The following ADAMTSL1 variants were observed in gnomAD, a reference collection of about 807,000 sequenced individuals.
The protein encoded by ADAMTSL1 is ADAMTS like 1.
A neutral mutation model predicts 201.8 loss-of-function variants in ADAMTSL1; 126 were observed. The observed-to-expected ratio is 0.62, with a 90% CI of 0.54 to 0.72. The LOEUF (loss-of-function observed/expected upper bound fraction) is 0.72, where lower values mean the gene tolerates loss of function less well. Among genes scored for constraint, ADAMTSL1 ranks in the 30% least tolerant of loss-of-function variants. The pLI, the probability that ADAMTSL1 is intolerant of heterozygous loss-of-function variation, is 0.00. For synonymous variants in ADAMTSL1, 1,121 were observed against 903.4 expected, an observed-to-expected ratio of 1.24 and a Z score of -4.32; for missense variants, 2,679 against 2,277.8, an observed-to-expected ratio of 1.18 and a Z score of -3.59.
chr9:17,952,856 A>G (rs1455316657), intron 1 of ADAMTSL1, among the ~76,000 whole-genome samples: 1 of 151,880 alleles, frequency 6.6e-6, no homozygotes, highest in African/African-American at 2.4e-5. Context: ...TATAATTTAA[A>G]TCTGTACGCT....
intron 1 of ADAMTSL1, among the ~76,000 whole-genome samples, chr9:18,078,960 T>A (rs1335379151): frequency 6.6e-6 from 1 of 152,168 alleles, no homozygotes; most frequent in East Asian, 1.9e-4. Context: ...GGCTCCCATA[T>A]CAGAGTAGTT....
At chr9:18,544,106 A>G (rs540573440) in intron 3 of ADAMTSL1, among the ~76,000 whole-genome samples, 32 of 152,290 alleles carry the variant, frequency 2.1e-4, no homozygotes, top group African/African-American at 5.3e-4. Context: ...TCGTAGCCTC[A>G]GTTTCCTCAA....
At chr9:18,829,703 T>A in intron 22 of ADAMTSL1, 140 bp from the exon 23 acceptor site, 1 of 1,193,904 alleles carries the variant, frequency 8.4e-7, no homozygotes, top group Non-Finnish European at 1.2e-6. Flanking sequence ...ATAGGAAAAA[T>A]AATGTTAAAA....
chr9:18,092,440 C>T (rs1824068646), intron 1 of ADAMTSL1, among the ~76,000 whole-genome samples: 1 of 152,202 alleles, frequency 6.6e-6, no homozygotes, highest in South Asian at 2.1e-4. Context: ...TGTACACACA[C>T]ATACATGTAT....
chr9:18,207,548 G>C (rs1387221157), intron 2 of ADAMTSL1, among the ~76,000 whole-genome samples: 2 of 152,124 alleles, frequency 1.3e-5, no homozygotes, highest in Non-Finnish European at 1.5e-5. Context: ...CTGAAGTCCT[G>C]CATAATTTTA....
In ADAMTSL1 at chr9:18,151,430, G is replaced by A. The variant is rs118105336; in HGVS notation, c.88-12432G>A. 3.3e-5 allele frequency among the ~76,000 whole-genome samples: 5 copies of A among 152,096 alleles called. No homozygotes were observed. The East Asian group carries it at 9.7e-4, about 30-fold the overall frequency. On this transcript the variant is annotated intron_variant, in intron 1 of 29. Transcript: ENST00000680146. ...CCTCTAAATTTTTTCTTCAGCTCCT[G>A]TGTGAATGCCTCTGGTGCCAAGGTT...
intron 23 of ADAMTSL1, among the ~76,000 whole-genome samples, chr9:18,882,655 C>T (rs16937167): frequency 0.032 from 4,896 of 152,040 alleles, 140 homozygotes; most frequent in South Asian, 0.13. Context: ...GCCTAGATGC[C>T]GCCAGGAGCT....
rs908976650 is a variant in ADAMTSL1 at position 18,909,541 on chromosome 9, T to G, written c.*993T>G. ...ACTGCTGCTGTGGGCCAGGGCCATT[T>G]TGAGCATGAATGGCCCAGGTTTTTT... On this transcript the variant is annotated 3_prime_UTR_variant, in exon 29 of 29. Coordinates refer to ENST00000380548, the MANE Select transcript of ADAMTSL1 (RefSeq NM_001040272.6). 2.0e-5 allele frequency: 3 copies of G among 152,270 alleles called. No individual in the cohort carries two copies. Among genetic ancestry groups the G allele is most frequent in the Admixed American group, 1.3e-4 (2 of 15,288 alleles). 9.4% of individuals were successfully genotyped at this position (152,270 alleles called of 1,614,324 possible).
At chr9:18,226,044 G>T (rs1830424460) in intron 2 of ADAMTSL1, among the ~76,000 whole-genome samples, 1 of 152,026 alleles carries the variant, frequency 6.6e-6, no homozygotes, top group African/African-American at 2.4e-5. Flanking sequence ...TAGTTCCTAG[G>T]TTAATATTAA....
chr9:18,872,018 A>G (rs918969732), intron 23 of ADAMTSL1, among the ~76,000 whole-genome samples: 2 of 152,136 alleles, frequency 1.3e-5, no homozygotes, highest in Non-Finnish European at 2.9e-5. Context: ...CCCAAGTTCC[A>G]ACCAAGTCAG....
At chr9:18,049,685 G>T (rs976899866) in intron 1 of ADAMTSL1, among the ~76,000 whole-genome samples, 109 of 151,148 alleles carry the variant, frequency 7.2e-4, no homozygotes, top group African/African-American at 2.6e-3. Flanking sequence ...GTGCAGCGGT[G>T]CCATCTTGGC....
At chr9:18,548,255 C>G (rs1490178865) in intron 3 of ADAMTSL1, among the ~76,000 whole-genome samples, 1 of 152,076 alleles carries the variant, frequency 6.6e-6, no homozygotes, top group African/African-American at 2.4e-5. Flanking sequence ...ACAAGGGACA[C>G]TCTGCCTTCC....
chr9:18,169,800 T>C (rs368748262), intron 2 of ADAMTSL1, among the ~76,000 whole-genome samples: 3 of 152,248 alleles, frequency 2.0e-5, no homozygotes, highest in African/African-American at 7.2e-5. Flanking sequence ...TTCTATTTCA[T>C]TGAGCAGTGG....
chr9:18,799,440 A>G (rs1163658117), intron 20 of ADAMTSL1, among the ~76,000 whole-genome samples: 1 of 152,212 alleles, frequency 6.6e-6, no homozygotes, highest in African/African-American at 2.4e-5. Context: ...AGTAGTTTCC[A>G]GGTAAATTGC....
At chr9:17,973,173 A>T (rs1211737368) in intron 1 of ADAMTSL1, among the ~76,000 whole-genome samples, 9 of 151,148 alleles carry the variant, frequency 6.0e-5, no homozygotes, top group Non-Finnish European at 1.2e-4. Flanking sequence ...GTTTAATTAG[A>T]TCCCATTTGT....
At chr9:17,988,170 C>G (rs769746121) in intron 1 of ADAMTSL1, among the ~76,000 whole-genome samples, 1 of 151,874 alleles carries the variant, frequency 6.6e-6, no homozygotes, top group Admixed American at 6.6e-5. Context: ...GAGTAAGTGA[C>G]GCTTTATTGG....
intron 16 of ADAMTSL1, among the ~76,000 whole-genome samples, chr9:18,756,375 G>A (rs1819774212): frequency 6.6e-6 from 1 of 150,990 alleles, no homozygotes; most frequent in Non-Finnish European, 1.5e-5. Flanking sequence ...ATTATTTACT[G>A]GAATCCAACT....
Position 18,829,990 on chromosome 9 carries a change from C to A in ADAMTSL1, c.4249+13C>A. 1.3e-6 allele frequency: 2 copies of A among 1,598,708 alleles called. No homozygotes were observed. Among genetic ancestry groups the A allele is most frequent in the Non-Finnish European group, 8.5e-7 (1 of 1,172,600 alleles). On this transcript the variant is annotated intron_variant, in intron 23 of 28. Coordinates refer to ENST00000380548, the MANE Select transcript of ADAMTSL1 (RefSeq NM_001040272.6). Reference sequence around the variant, plus strand: ...TCTGCTCTCCTTGGTGAGTCTAACCCTCGGAAACATTGGGCAGAAAGCCAG... The same window carrying A: ...TCTGCTCTCCTTGGTGAGTCTAACCATCGGAAACATTGGGCAGAAAGCCAG...
At position 18,601,374 on chromosome 9, in the gene ADAMTSL1, G is replaced by A. The variant is rs78206249; in HGVS notation, c.475-20869G>A. On this transcript the variant is annotated intron_variant, in intron 4 of 28. Transcript: ENST00000380548. ...GGCCTCAAGAAGCACAAGTGCCAGG[G>A]CAACTTTGAGGTCCTCAGCTACAGG... 8.8e-3 allele frequency among the ~76,000 whole-genome samples: 1,344 copies of A among 152,298 alleles called. 31 individuals carry two copies. The highest frequency in any genetic ancestry group is 0.029 in the African/African-American group (1,221 of 41,566).
Sources: allele counts gnomAD v4.1 joint callset (sites outside exome capture counted in the v4.1 genomes callset), GRCh38; gene constraint gnomAD v4.1.1; transcripts MANE v1.5; gene names NCBI Gene and HGNC (gene_info 2026-07-23, HGNC 2026-07-21).